The following RGL2 variants were observed in gnomAD, a reference collection of about 807,000 sequenced individuals.
RGL2 encodes ral guanine nucleotide dissociation stimulator like 2.
Under a neutral mutation model 84.6 loss-of-function variants are expected in RGL2, and 40 were observed. That is an observed-to-expected ratio of 0.47 (90% confidence interval 0.37 to 0.62). RGL2 has a LOEUF of 0.62. Ranked by LOEUF, RGL2 falls within the 20% of genes least tolerant of loss-of-function variation. The pLI, the probability that RGL2 is intolerant of heterozygous loss-of-function variation, is 0.00. For missense variants in RGL2, 865 were observed against 1,019.7 expected, an observed-to-expected ratio of 0.85 and a Z score of 2.07; for synonymous variants, 369 against 417.3, an observed-to-expected ratio of 0.88 and a Z score of 1.41.
rs1303094064 is a variant in RGL2 at position 33,297,671 on chromosome 6, T to C, written c.157-556A>G. 6.6e-6 allele frequency: 1 copy of C among 152,516 alleles called. No individual in the cohort carries two copies. The highest frequency in any genetic ancestry group is 1.9e-4 in the East Asian group (1 of 5,156). 9.4% of individuals were successfully genotyped at this position (152,516 alleles called of 1,614,324 possible). A position where few individuals can be genotyped will look rare whatever the true frequency, so the allele number is the denominator to read the frequency against. On this transcript the variant is annotated intron_variant, in intron 2 of 17. Transcript: ENST00000497454. This position sits in a 1 kb window ranked among gnomAD's most constrained non-coding sequence, Gnocchi z 4.0. ...CCGAAGGTAGCAGCTCCAATCCCAG[T>C]ACAGGAAGGAAAAGGGGAAGTGGGA...
At position 33,293,791 on chromosome 6, in the gene RGL2, T is replaced by A; in HGVS notation, c.1508+4A>T. On this transcript the variant is annotated splice_donor_region_variant and intron_variant, in intron 13 of 17. Transcript: ENST00000497454. This position sits in a 1 kb window ranked among gnomAD's most constrained non-coding sequence, Gnocchi z 7.0. ...CTGGAGTCCCAACCTCACCCGCCAG[T>A]CACCTCTGAGCCTCTGTCAGTGGCC... 6.2e-7 allele frequency: 1 copy of A among 1,613,966 alleles called. No individual in the cohort carries two copies. The highest frequency in any genetic ancestry group is 8.5e-7 in the Non-Finnish European group (1 of 1,179,854).
Position 33,296,792 on chromosome 6 carries a change from A to G in RGL2, c.241-16T>C, listed in dbSNP as rs1768012440. ...GCATAGGGACCTGGAGAACACAGAG[A>G]GATGATCGCTAACCCTTTCTCCCAC... On this transcript the variant is annotated splice_polypyrimidine_tract_variant and intron_variant, in intron 3 of 17. Transcript: ENST00000497454. This position sits in a 1 kb window ranked among gnomAD's most constrained non-coding sequence, Gnocchi z 5.0. 1 of 1,613,742 alleles carries G rather than the reference A, an allele frequency of 6.2e-7. No individual in the cohort carries two copies. The highest frequency in any genetic ancestry group is 1.3e-5 in the African/African-American group (1 of 74,874).
rs1308057226 is a variant in RGL2 at position 33,296,708 on chromosome 6, G to A, written c.309C>T (p.His103=). 6.2e-7 allele frequency: 1 copy of A among 1,614,002 alleles called. No individual in the cohort carries two copies. The highest frequency in any genetic ancestry group is 1.3e-5 in the African/African-American group (1 of 75,014). ...TCCCTGATGTCCGGGTATCCAGTAG[G>A]TGTCTGACCAGGGCCTCCAGAGTGC... ...RAGTLEALVR[H]LLDTRTSGTD... is the part of the protein sequence containing the mutation. The change falls in exon 4 of 18, where the codon CAC becomes CAT. Residue 103 remains histidine, a synonymous_variant. Coordinates refer to ENST00000497454, the MANE Select transcript of RGL2 (RefSeq NM_004761.5). This position sits in a 1 kb window ranked among gnomAD's most constrained non-coding sequence, Gnocchi z 5.0.
In RGL2 at chr6:33,292,273, C is replaced by T; in HGVS notation, c.2163G>A (p.Met721Ile). The change falls in exon 18 of 18, where the codon ATG becomes ATA. Residue 721 changes from methionine (M) to isoleucine (I), a missense_variant. Met to Ile is a conservative substitution (Grantham distance 10). This residue lies in a region of RGL2 where 302 missense variants were observed against 327.9 expected (regional missense o/e 0.92). Coordinates refer to ENST00000497454, the MANE Select transcript of RGL2 (RefSeq NM_004761.5). ...IPASANVFYA[M>I]DGASHDFLLR... ...GGAGGAAATCGTGTGAAGCTCCATC[C>T]ATGGCGTAGAATACATTAGCCGAGG... is the stretch of plus-strand genomic sequence containing the variant. 2 of 1,614,204 alleles carry T rather than the reference C, an allele frequency of 1.2e-6. No individual in the cohort carries two copies. Among genetic ancestry groups the T allele is most frequent in the Non-Finnish European group, 1.7e-6 (2 of 1,180,030 alleles).
rs984010099 is a variant in RGL2, at chr6:33,298,791, G to T, written c.-42+79C>A. 32 of 481,972 alleles carry T rather than the reference G, an allele frequency of 6.6e-5. No individual in the cohort carries two copies. Among genetic ancestry groups the T allele is most frequent in the Non-Finnish European group, 1.2e-4 (32 of 273,970 alleles). The allele number at this position is 481,972 out of a possible 1,614,324, so 29.9% of individuals were successfully genotyped here. ...TTGGGGGAGGGGGCAACAGAAGGGT[G>T]GAATAGGGGGGCCCTTGGTGCTGTT... On this transcript the variant is annotated intron_variant, in intron 1 of 17. Coordinates refer to ENST00000497454, the MANE Select transcript of RGL2 (RefSeq NM_004761.5). This position sits in a 1 kb window ranked among gnomAD's most constrained non-coding sequence, Gnocchi z 4.8.
chr6:33,292,846 T>C (rs547326983), intron 16 of RGL2, among the ~76,000 whole-genome samples, 170 bp downstream of exon 16: 1 of 152,336 alleles, frequency 6.6e-6, no homozygotes, highest in East Asian at 1.9e-4. Flanking sequence ...TCAGCTTCTA[T>C]TGAAGACTAG....
In RGL2 at chr6:33,294,556, A is replaced by G; in HGVS notation, c.1353+132T>C. ...ACAGATCACTGAGGCGACTTGGCACAGAAACAGATCTGGCTCTGTCCCACA... is the reference window on the plus strand; with the variant it reads ...ACAGATCACTGAGGCGACTTGGCACGGAAACAGATCTGGCTCTGTCCCACA... On this transcript the variant is annotated intron_variant, in intron 11 of 17. Coordinates refer to ENST00000497454, the MANE Select transcript of RGL2 (RefSeq NM_004761.5). The surrounding 1 kb of genome is among the most constrained non-coding windows in gnomAD (Gnocchi z 5.0). 1.1e-6 allele frequency: 1 copy of G among 910,460 alleles called. No individual in the cohort carries two copies. The highest frequency in any genetic ancestry group is 1.7e-6 in the Non-Finnish European group (1 of 593,172). 56.4% of individuals were successfully genotyped at this position (910,460 alleles called of 1,614,324 possible). A position where few individuals can be genotyped will look rare whatever the true frequency, so the allele number is the denominator to read the frequency against.
In RGL2 at chr6:33,296,279, C is replaced by G; in HGVS notation, c.517G>C (p.Asp173His). ...LSTWLASHPE[D>H]FGSEAKGQLD... ...TGACCCTTGGCCTCAGAGCCAAAAT[C>G]CTCAGGGTGAGAGGCCAGCCAGGTT... Residue 173 changes from aspartate to histidine, a missense_variant, in exon 6 of 18, where the codon GAT becomes CAT. Around this residue, in one of 5 missense-constraint regions of RGL2, gnomAD observed 455 missense variants for 507.8 expected, o/e 0.90. Transcript: ENST00000497454. The surrounding 1 kb of genome is among the most constrained non-coding windows in gnomAD (Gnocchi z 5.0). 1 of 1,613,800 alleles carries G rather than the reference C, an allele frequency of 6.2e-7. No individual in the cohort carries two copies. The highest frequency in any genetic ancestry group is 1.1e-5 in the South Asian group (1 of 91,058).
Position 33,296,986 on chromosome 6 carries a change from C to A in RGL2, c.240+46G>T. On this transcript the variant is annotated intron_variant, in intron 3 of 17. Transcript: ENST00000497454. This position sits in a 1 kb window ranked among gnomAD's most constrained non-coding sequence, Gnocchi z 5.0. ...AGAAAGTCAGCCAGAGGAAGGAAAA[C>A]TGGGAATGAAGAGTCAGAGGTGAGA... 1 of 1,590,194 alleles carries A rather than the reference C, an allele frequency of 6.3e-7. No individual in the cohort carries two copies. Among genetic ancestry groups the A allele is most frequent in the Non-Finnish European group, 8.6e-7 (1 of 1,161,480 alleles).
chr6:33,292,596 C>T (rs1158597998), intron 16 of RGL2, 52 bp from the exon 17 acceptor site: 1 of 1,449,676 alleles, frequency 6.9e-7, no homozygotes, highest in Admixed American at 1.7e-5. Context: ...ATTTCCCATC[C>T]TTCTACCCTC....
At position 33,294,641 on chromosome 6, in the gene RGL2, A is replaced by T; in HGVS notation, c.1353+47T>A. ...GGCGGGGGGGTCTGTCCGACCCTGC[A>T]GCCCACTTGTTACATCATTGCAATG... On this transcript the variant is annotated intron_variant, in intron 11 of 17. Transcript: ENST00000497454. The surrounding 1 kb of genome is among the most constrained non-coding windows in gnomAD (Gnocchi z 5.0). 1 of 1,606,198 alleles carries T rather than the reference A, an allele frequency of 6.2e-7. No individual in the cohort carries two copies. Among genetic ancestry groups the T allele is most frequent in the Non-Finnish European group, 8.5e-7 (1 of 1,173,876 alleles).
chr6:33,295,272 G>C lies in RGL2; in HGVS notation c.1124+47C>G. On this transcript the variant is annotated intron_variant, in intron 8 of 17. Coordinates refer to ENST00000497454, the MANE Select transcript of RGL2 (RefSeq NM_004761.5). This position sits in a 1 kb window ranked among gnomAD's most constrained non-coding sequence, Gnocchi z 7.2. ...CTGGCTCTGTCACCCCCTCTTCCCC[G>C]CCTTCTGAGGAACCCCCACCCCAGT... The C allele has an allele frequency of 6.4e-7, 1 of 1,561,140 alleles. No homozygotes were observed. Among genetic ancestry groups the C allele is most frequent in the Non-Finnish European group, 8.7e-7 (1 of 1,151,984 alleles).
chr6:33,297,811 C>T lies in RGL2; in HGVS notation c.156+644G>A, dbSNP rs1363498653. ...ACCTGCCCTCACCTAGGATCTGGAC[C>T]TAGGAGTTTAGGGCCTCGGGGCCCC... On this transcript the variant is annotated intron_variant, in intron 2 of 17. Coordinates refer to ENST00000497454, the MANE Select transcript of RGL2 (RefSeq NM_004761.5). The surrounding 1 kb of genome is among the most constrained non-coding windows in gnomAD (Gnocchi z 4.0). 1 of 152,364 alleles carries T rather than the reference C, an allele frequency of 6.6e-6. No individual in the cohort carries two copies. Among genetic ancestry groups the T allele is most frequent in the Non-Finnish European group, 1.5e-5 (1 of 68,148 alleles). 9.4% of individuals were successfully genotyped at this position (152,364 alleles called of 1,614,324 possible). A position where few individuals can be genotyped will look rare whatever the true frequency, so the allele number is the denominator to read the frequency against.
chr6:33,297,149 C>A lies in RGL2; in HGVS notation c.157-34G>T. On this transcript the variant is annotated intron_variant, in intron 2 of 17. Transcript: ENST00000497454. The surrounding 1 kb of genome is among the most constrained non-coding windows in gnomAD (Gnocchi z 4.0). ...GCAAGGAAGGGGAAGTCAGACAGTT[C>A]CACACCACCCCCCATTGCCCTCAGC... The A allele has an allele frequency of 1.3e-6, 2 of 1,484,714 alleles. No individual in the cohort carries two copies. The highest frequency in any genetic ancestry group is 1.3e-5 in the South Asian group (1 of 74,978). The allele number at this position is 1,484,714 out of a possible 1,614,324, so 92.0% of individuals were successfully genotyped here.
At position 33,297,169 on chromosome 6, in the gene RGL2, C is replaced by G. The variant is rs556916904; in HGVS notation, c.157-54G>C. On this transcript the variant is annotated intron_variant, in intron 2 of 17. Coordinates refer to ENST00000497454, the MANE Select transcript of RGL2 (RefSeq NM_004761.5). This position sits in a 1 kb window ranked among gnomAD's most constrained non-coding sequence, Gnocchi z 4.0. ...CAGTTCCACACCACCCCCCATTGCCCTCAGCCTTCACCCCAGGCCCTGCTC... is the reference window on the plus strand; with the variant it reads ...CAGTTCCACACCACCCCCCATTGCCGTCAGCCTTCACCCCAGGCCCTGCTC... The G allele has an allele frequency of 7.2e-7, 1 of 1,392,930 alleles. No homozygotes were observed. Among genetic ancestry groups the G allele is most frequent in the East Asian group, 2.3e-5 (1 of 43,724 alleles). 86.3% of individuals were successfully genotyped at this position (1,392,930 alleles called of 1,614,324 possible).
At position 33,296,188 on chromosome 6, in the gene RGL2, C is replaced by T. The variant is rs764056144; in HGVS notation, c.608G>A (p.Gly203Asp). 4 of 1,613,112 alleles carry T rather than the reference C, an allele frequency of 2.5e-6. No homozygotes were observed. Among genetic ancestry groups the T allele is most frequent in the Admixed American group, 1.7e-5 (1 of 59,974 alleles). Reference protein sequence around the residue: ...GYAAGKGVGGGSADLIRNLRS... With the variant: ...GYAAGKGVGGDSADLIRNLRS... ...GAGATTGCGGATGAGGTCAGCGCTG[C>T]CCCCCCCAACACCCTTCCCTGCTGC... Residue 203 changes from glycine (G) to aspartate (D), a missense_variant, in exon 6 of 18, where the codon GGC (glycine) becomes GAC (aspartate). Physicochemically the swap from Gly to Asp is moderately conservative, Grantham distance 94. Transcript: ENST00000497454. The surrounding 1 kb of genome is among the most constrained non-coding windows in gnomAD (Gnocchi z 5.0).
chr6:33,296,906 C>G lies in RGL2; in HGVS notation c.240+126G>C, dbSNP rs760155756. 2.0e-6 allele frequency: 3 copies of G among 1,485,290 alleles called. No individual in the cohort carries two copies. Among genetic ancestry groups the G allele is most frequent in the Non-Finnish European group, 2.8e-6 (3 of 1,064,422 alleles). 92.0% of individuals were successfully genotyped at this position (1,485,290 alleles called of 1,614,324 possible). On this transcript the variant is annotated intron_variant, in intron 3 of 17. Transcript: ENST00000497454. The surrounding 1 kb of genome is among the most constrained non-coding windows in gnomAD (Gnocchi z 5.0). ...TATTCAGAGAGGGCAAGAGTCTTGG[C>G]CTATGTCACACAGCAGAGTCCAGGA...
rs1362915569 is a variant in RGL2 at position 33,295,181 on chromosome 6, G to A, written c.1155C>T (p.Cys385=). ...AATTATCCTCCTCGGAGAAAATCTG[G>A]CAGAGGCTGGAAAAGACTCTGAGGC... is the stretch of plus-strand genomic sequence containing the variant. ...RDSLRVFSSL[C]QIFSEEDNYS... is the part of the protein sequence containing the mutation. Residue 385 remains cysteine, a synonymous_variant, in exon 9 of 18, where the codon TGC becomes TGT. Coordinates refer to ENST00000497454, the MANE Select transcript of RGL2 (RefSeq NM_004761.5). The surrounding 1 kb of genome is among the most constrained non-coding windows in gnomAD (Gnocchi z 7.2). 2 of 1,606,316 alleles carry A rather than the reference G, an allele frequency of 1.2e-6. No individual in the cohort carries two copies. Among genetic ancestry groups the A allele is most frequent in the South Asian group, 2.2e-5 (2 of 89,516 alleles).
rs1215083543 is a variant in RGL2 at position 33,293,456 on chromosome 6, T to G, written c.1673A>C (p.Glu558Ala). ...SCDRPSTGGD[E>A]APTTPAPLLT... ...CAGAGGAGCAGGAGTTGTAGGCGCC[T>G]CATCTCCCCCAGTACTGGGCCGGTC... is the stretch of plus-strand genomic sequence containing the variant. The change falls in exon 15 of 18, where the codon GAG becomes GCG. Residue 558 changes from glutamate to alanine, a missense_variant. Physicochemically the swap from Glu to Ala is moderately radical, Grantham distance 107. Around this residue, in one of 5 missense-constraint regions of RGL2, gnomAD observed 302 missense variants for 327.9 expected, o/e 0.92. Coordinates refer to ENST00000497454, the MANE Select transcript of RGL2 (RefSeq NM_004761.5). The surrounding 1 kb of genome is among the most constrained non-coding windows in gnomAD (Gnocchi z 7.0). 6.2e-7 allele frequency: 1 copy of G among 1,613,998 alleles called. No individual in the cohort carries two copies. Among genetic ancestry groups the G allele is most frequent in the East Asian group, 2.2e-5 (1 of 44,880 alleles).
Sources: allele counts gnomAD v4.1 joint callset (sites outside exome capture counted in the v4.1 genomes callset), GRCh38; gene constraint gnomAD v4.1.1; regional missense constraint gnomAD v4.1.1; non-coding constraint Gnocchi (gnomAD v3.1); transcripts MANE v1.5; gene names NCBI Gene and HGNC (gene_info 2026-07-23, HGNC 2026-07-21).